The following CNTNAP3B variants were observed in gnomAD, a reference collection of about 807,000 sequenced individuals.
The protein encoded by CNTNAP3B is contactin-associated protein-like 3B.
A neutral mutation model predicts 108.9 loss-of-function variants in CNTNAP3B; 25 were observed. The observed-to-expected ratio is 0.23, with a 90% CI of 0.17 to 0.32. The LOEUF (loss-of-function observed/expected upper bound fraction) is 0.32. Ranked by LOEUF, CNTNAP3B falls within the 10% of genes least tolerant of loss-of-function variation. CNTNAP3B has a pLI of 1.00. For missense variants in CNTNAP3B, 252 were observed against 1,210.4 expected (o/e 0.21, Z 11.75); for synonymous variants, 103 against 473.4 (o/e 0.22, Z 10.16).
chr9:42,041,448 A>T (rs1315035952), intron 3 of CNTNAP3B, among the ~76,000 whole-genome samples: 1 of 150,980 alleles, frequency 6.6e-6, no homozygotes, highest in African/African-American at 2.5e-5. Context: ...GACACTTCTC[A>T]AAAGAAGACA....
intron 2 of CNTNAP3B, among the ~76,000 whole-genome samples, chr9:42,087,075 T>C (rs1827718857): frequency 7.1e-6 from 1 of 141,122 alleles, no homozygotes; most frequent in Non-Finnish European, 1.5e-5. Flanking sequence ...TTTAATGCTA[T>C]TGTGAATGAA....
In CNTNAP3B at chr9:41,979,653, T is replaced by TTA. The variant is rs1308247359; in HGVS notation, c.1477+6513_1477+6514dup. ...GTCATATATATATTTAAAAAATATTTTATATATATATATATTTTTTTTTTC... is the reference window on the plus strand; with the variant it reads ...GTCATATATATATTTAAAAAATATTTTATATATATATATATATTTTTTTTTTC... On this transcript the variant is annotated intron_variant, in intron 9 of 23. Coordinates refer to ENST00000377561, the MANE Select transcript of CNTNAP3B (RefSeq NM_001201380.3). The TTA allele has an allele frequency of 4.9e-4, 18 of 36,568 alleles. 6 individuals are homozygous for TTA. Among genetic ancestry groups the TTA allele is most frequent in the African/African-American group, 1.4e-3 (16 of 11,568 alleles). The allele number at this position is 36,568 out of a possible 1,614,324, so 2.3% of individuals were successfully genotyped here.
At chr9:41,973,189 C>T (rs1226077235) in intron 9 of CNTNAP3B, among the ~76,000 whole-genome samples, 3 of 144,680 alleles carry the variant, frequency 2.1e-5, no homozygotes, top group East Asian at 4.1e-4. Context: ...CCTCGTGATC[C>T]ACCTGCCTCA....
At chr9:41,931,648 A>T (rs1823980629) in intron 14 of CNTNAP3B, among the ~76,000 whole-genome samples, 1 of 150,378 alleles carries the variant, frequency 6.6e-6, no homozygotes, top group East Asian at 1.9e-4. Flanking sequence ...AGAACAGAAT[A>T]TTGATTATCT....
At chr9:41,995,730 C>CAAAAA (rs1167589988) in intron 7 of CNTNAP3B, among the ~76,000 whole-genome samples, 1 of 66,398 alleles carries the variant, frequency 1.5e-5, no homozygotes, top group Non-Finnish European at 2.7e-5. Context: ...GACTCCGTCT[C>CAAAAA]AAAAAAAAAA....
intron 3 of CNTNAP3B, among the ~76,000 whole-genome samples, chr9:42,068,237 T>C (rs1194325254): frequency 3.2e-5 from 2 of 63,218 alleles, no homozygotes; most frequent in African/African-American, 8.0e-5. Flanking sequence ...ATTTGGCTGG[T>C]AAACCAGACT....
chr9:41,924,338 C>A (rs1196047577), intron 15 of CNTNAP3B, among the ~76,000 whole-genome samples: 2 of 152,282 alleles, frequency 1.3e-5, no homozygotes, highest in Admixed American at 6.5e-5. Flanking sequence ...GCAATGAGAC[C>A]AGTCAGGGGA....
intron 15 of CNTNAP3B, among the ~76,000 whole-genome samples, chr9:41,926,494 C>T: frequency 6.6e-6 from 1 of 152,298 alleles, no homozygotes; most frequent in Non-Finnish European, 1.5e-5. Flanking sequence ...TGAGGTCTCA[C>T]TTTGTCACCC....
chr9:41,927,756 G>T (rs1051256361), intron 15 of CNTNAP3B, among the ~76,000 whole-genome samples: 2 of 152,200 alleles, frequency 1.3e-5, no homozygotes, highest in African/African-American at 4.8e-5. Context: ...AAATCACAGA[G>T]GTAACAGAGA....
chr9:42,071,385 G>T (rs1452036824), intron 3 of CNTNAP3B, among the ~76,000 whole-genome samples: 1 of 140,126 alleles, frequency 7.1e-6, no homozygotes, highest in Non-Finnish European at 1.5e-5. Context: ...CTAGTACAAA[G>T]GATGGATCTT....
intron 13 of CNTNAP3B, among the ~76,000 whole-genome samples, chr9:41,950,131 A>C (rs907760312): frequency 9.6e-6 from 1 of 104,596 alleles, no homozygotes; most frequent in Admixed American, 1.0e-4. Context: ...GCAAATAAGC[A>C]TATAAAACAT....
intron 9 of CNTNAP3B, among the ~76,000 whole-genome samples, chr9:41,976,738 C>A (rs1356749742): frequency 9.5e-6 from 1 of 105,288 alleles, no homozygotes; most frequent in South Asian, 2.9e-4. Context: ...TCTGTCTCTA[C>A]AAAATACGAA....
intron 3 of CNTNAP3B, among the ~76,000 whole-genome samples, chr9:42,030,793 G>A (rs1484526678): frequency 1.0e-4 from 2 of 19,060 alleles, no homozygotes; most frequent in East Asian, 1.4e-3. Context: ...AGATGTGTGC[G>A]AGAGAGAGAG....
rs556490619 is a variant in CNTNAP3B at position 42,063,826 on chromosome 9, A to G, written c.390+13043T>C. ...AACCTCAAACTCCTGGGCTCAAGCG[A>G]CTCTCCCACCTCGGCCTCCCAAAGC... On this transcript the variant is annotated intron_variant, in intron 3 of 23. Coordinates refer to ENST00000377561, the MANE Select transcript of CNTNAP3B (RefSeq NM_001201380.3). 4.0e-5 allele frequency among the ~76,000 whole-genome samples: 6 copies of G among 148,218 alleles called. No homozygotes were observed. In the South Asian group the frequency reaches 1.3e-3, roughly 32 times the overall value.
intron 3 of CNTNAP3B, among the ~76,000 whole-genome samples, chr9:42,029,480 C>CA (rs1406182748): frequency 8.4e-6 from 1 of 118,500 alleles, no homozygotes; most frequent in African/African-American, 3.5e-5. Flanking sequence ...CCCTTGTTGA[C>CA]ATACAAAATA....
intron 3 of CNTNAP3B, among the ~76,000 whole-genome samples, chr9:42,053,870 C>T (rs374083150): frequency 3.3e-4 from 48 of 145,788 alleles, no homozygotes; most frequent in East Asian, 1.5e-3. Flanking sequence ...GACAGCGATG[C>T]GCTGCCTTTC....
intron 3 of CNTNAP3B, among the ~76,000 whole-genome samples, chr9:42,042,939 T>C (rs1290885218): frequency 2.7e-5 from 4 of 148,314 alleles, no homozygotes; most frequent in African/African-American, 7.6e-5. Context: ...GACTTTTTGC[T>C]AGTTTTTGAA....
intron 3 of CNTNAP3B, among the ~76,000 whole-genome samples, chr9:42,020,518 C>T (rs1826293267): frequency 6.9e-6 from 1 of 144,204 alleles, no homozygotes; most frequent in Non-Finnish European, 1.5e-5. Context: ...TATAAAAGTT[C>T]AGGGTATTAT....
chr9:41,966,922 G>A (rs1265505812), intron 10 of CNTNAP3B, among the ~76,000 whole-genome samples: 20 of 150,322 alleles, frequency 1.3e-4, no homozygotes, highest in South Asian at 2.1e-4. Context: ...AGCCGAGATC[G>A]TGCCACTGCA....
Sources: allele counts gnomAD v4.1 joint callset (sites outside exome capture counted in the v4.1 genomes callset), GRCh38; gene constraint gnomAD v4.1.1; transcripts MANE v1.5; gene names NCBI Gene and HGNC (gene_info 2026-07-23, HGNC 2026-07-21).